The following KLHL1 variants were observed in gnomAD, a reference collection of about 807,000 sequenced individuals.
The protein encoded by KLHL1 is kelch-like protein 1.
In KLHL1, 47 loss-of-function variants were observed where a neutral mutation model predicts 77.7. That is an observed-to-expected ratio of 0.60 (90% CI 0.48 to 0.77). The LOEUF is 0.77. KLHL1 is among the 30% of genes least tolerant of loss of function. KLHL1 has a pLI of 0.00. For missense variants in KLHL1, 925 were observed against 910.8 expected (o/e 1.02, Z -0.20); for synonymous variants, 360 against 325.2 (o/e 1.11, Z -1.15).
In KLHL1 at chr13:70,075,677, A is replaced by G. The variant is rs1418227118; in HGVS notation, c.497+31526T>C. Among the ~76,000 whole-genome samples, 5 of 141,488 alleles carry G rather than the reference A, an allele frequency of 3.5e-5. No individual in the cohort carries two copies. The South Asian group carries it at 1.1e-3, about 30-fold the overall frequency. The allele number at this position is 141,488 out of a possible 152,430, so 92.8% of individuals were successfully genotyped here. On this transcript the variant is annotated intron_variant, in intron 1 of 10. Coordinates refer to ENST00000377844, the MANE Select transcript of KLHL1 (RefSeq NM_020866.3). ...TATATACCTATGTGTGTGTGTATAT[A>G]TATATACACACACGTGTGTATATAT...
intron 1 of KLHL1, among the ~76,000 whole-genome samples, chr13:70,065,376 A>G (rs1220089429): frequency 1.3e-5 from 2 of 152,130 alleles, no homozygotes; most frequent in Non-Finnish European, 2.9e-5. Flanking sequence ...AAATCACTCT[A>G]GATCATGGCA....
intron 1 of KLHL1, among the ~76,000 whole-genome samples, chr13:70,052,655 C>G (rs1886656250): frequency 6.6e-6 from 1 of 151,528 alleles, no homozygotes; most frequent in Admixed American, 6.6e-5. Flanking sequence ...TTAAAAATAA[C>G]CTCTTTATTT....
chr13:69,724,342 T>C (rs1873204057), intron 8 of KLHL1, among the ~76,000 whole-genome samples: 1 of 152,108 alleles, frequency 6.6e-6, no homozygotes, highest in Non-Finnish European at 1.5e-5. Flanking sequence ...TATGAGTGTG[T>C]CCTTAACCTT....
At chr13:69,854,942 T>A (rs1025851001) in intron 5 of KLHL1, among the ~76,000 whole-genome samples, 2 of 151,972 alleles carry the variant, frequency 1.3e-5, no homozygotes, top group African/African-American at 4.8e-5. Flanking sequence ...ATTGGAAATA[T>A]ATTTTTACAA....
chr13:69,837,171 G>A (rs890135543), intron 6 of KLHL1, among the ~76,000 whole-genome samples: 2 of 151,522 alleles, frequency 1.3e-5, no homozygotes, highest in South Asian at 2.1e-4. Flanking sequence ...ACCTCACAAC[G>A]GCTTTTCTTT....
intron 1 of KLHL1, among the ~76,000 whole-genome samples, chr13:70,010,918 A>ATAAAT (rs1237911666): frequency 1.3e-5 from 2 of 151,102 alleles, no homozygotes; most frequent in Non-Finnish European, 3.0e-5. Flanking sequence ...TAATAATAAA[A>ATAAAT]TAAAATAAAA....
intron 4 of KLHL1, among the ~76,000 whole-genome samples, chr13:69,935,028 CATTATA>C (rs950114895): frequency 2.1e-5 from 3 of 144,058 alleles, no homozygotes; most frequent in Non-Finnish European, 3.0e-5. Context: ...GTATCATTAT[CATTATA>C]AAGTATTATA....
chr13:69,798,548 A>G (rs1339725390), intron 6 of KLHL1, among the ~76,000 whole-genome samples: 2 of 152,080 alleles, frequency 1.3e-5, no homozygotes, highest in Admixed American at 6.6e-5. Flanking sequence ...ATAAATTGCA[A>G]TGTTCACAAA....
rs1201718652 is a variant in KLHL1, at chr13:70,006,589, G to A, written c.498-30787C>T. Among the ~76,000 whole-genome samples, 17 of 144,710 alleles carry A rather than the reference G, an allele frequency of 1.2e-4. 1 individual carries two copies. The Admixed American group carries it at 1.2e-3, about 10-fold the overall frequency. The allele number at this position is 144,710 out of a possible 152,430, so 94.9% of individuals were successfully genotyped here. A position where few individuals can be genotyped will look rare whatever the true frequency, so the allele number is the denominator to read the frequency against. Reference sequence around the variant, plus strand: ...GTAGACTCCACCAGTGAAGCCATTTGTCCTGGGGCTTTCATTGTTAAGTGG... The same window carrying A: ...GTAGACTCCACCAGTGAAGCCATTTATCCTGGGGCTTTCATTGTTAAGTGG... On this transcript the variant is annotated intron_variant, in intron 1 of 10. Transcript: ENST00000377844.
At chr13:69,908,373 A>G (rs562296757) in intron 4 of KLHL1, among the ~76,000 whole-genome samples, 8 of 151,904 alleles carry the variant, frequency 5.3e-5, no homozygotes, top group Non-Finnish European at 2.9e-5. Flanking sequence ...TTTGAATACA[A>G]TAAAGAAACG....
Position 69,860,545 on chromosome 13 carries a change from T to G in KLHL1, c.1228-21383A>C, listed in dbSNP as rs138070451. Among the ~76,000 whole-genome samples the G allele has an allele frequency of 2.2e-3, 340 of 152,066 alleles. 5 individuals are homozygous for G. The highest frequency in any genetic ancestry group is 8.1e-3 in the East Asian group (42 of 5,160). On this transcript the variant is annotated intron_variant, in intron 5 of 10. Coordinates refer to ENST00000377844, the MANE Select transcript of KLHL1 (RefSeq NM_020866.3). ...ATGAATCCAAAGTCTTAAATATGAGTCTGACTATAATCCTTTTAAGCTTAA... is the reference window on the plus strand; with the variant it reads ...ATGAATCCAAAGTCTTAAATATGAGGCTGACTATAATCCTTTTAAGCTTAA...
At chr13:69,902,424 G>A (rs182389137) in intron 4 of KLHL1, among the ~76,000 whole-genome samples, 22 of 152,224 alleles carry the variant, frequency 1.4e-4, no homozygotes, top group African/African-American at 5.3e-4. Context: ...TGGTATACTT[G>A]AAGAGTATTT....
At chr13:70,056,377 A>G (rs888800843) in intron 1 of KLHL1, among the ~76,000 whole-genome samples, 4 of 152,292 alleles carry the variant, frequency 2.6e-5, no homozygotes, top group East Asian at 1.9e-4. Flanking sequence ...ACAGACCCCA[A>G]TATAATAATA....
chr13:69,939,359 A>ATATATACATATACATAC (rs1566424727), intron 4 of KLHL1, among the ~76,000 whole-genome samples: 45 of 91,160 alleles, frequency 4.9e-4, no homozygotes, highest in African/African-American at 2.0e-3. Context: ...ATATATATAT[A>ATATATACATATACATAC]TATATATATA....
chr13:70,000,837 A>T (rs1034054066), intron 1 of KLHL1, among the ~76,000 whole-genome samples: 1 of 151,580 alleles, frequency 6.6e-6, no homozygotes, highest in African/African-American at 2.4e-5. Context: ...GTAAATATTA[A>T]CAAATTTTAA....
At chr13:69,816,061 G>A (rs1431654964) in intron 6 of KLHL1, among the ~76,000 whole-genome samples, 2 of 151,712 alleles carry the variant, frequency 1.3e-5, no homozygotes, top group African/African-American at 4.8e-5. Flanking sequence ...TAATGTGAAT[G>A]CAATAGGTAA....
rs1237100844 is a variant in KLHL1 at position 69,901,787 on chromosome 13, CTT to C, written c.1015-19294_1015-19293del. Among the ~76,000 whole-genome samples the C allele has an allele frequency of 3.9e-3, 310 of 80,178 alleles. 2 individuals are homozygous for C. The highest frequency in any genetic ancestry group is 5.6e-3 in the African/African-American group (143 of 25,512). The allele number at this position is 80,178 out of a possible 152,430, so 52.6% of individuals were successfully genotyped here. On this transcript the variant is annotated intron_variant, in intron 4 of 10. Transcript: ENST00000377844. Reference sequence around the variant, plus strand: ...TGAGTTTTTCATTTTCTTTCTTTTTCTTTTTTTCTTTTTTTTTTTTTTTTTCT... The same window carrying C: ...TGAGTTTTTCATTTTCTTTCTTTTTCTTTTTCTTTTTTTTTTTTTTTTTCT...
chr13:69,832,646 AAACAAC>A (rs377565783), intron 6 of KLHL1, among the ~76,000 whole-genome samples: 4 of 135,626 alleles, frequency 2.9e-5, no homozygotes, highest in African/African-American at 6.2e-5. Context: ...AAGCAAGACT[AAACAAC>A]AACAACAACA....
chr13:69,894,863 C>G (rs1432185007), intron 4 of KLHL1: 2 of 277,892 alleles, frequency 7.2e-6, no homozygotes, highest in Non-Finnish European at 1.4e-5. Flanking sequence ...ACCTTTCCCA[C>G]CTTCTTCACC....
Sources: gnomAD v4.1 joint callset for allele counts (sites outside exome capture counted in the v4.1 genomes callset) on GRCh38, gnomAD v4.1.1 for gene constraint, MANE v1.5 for transcripts, NCBI Gene and HGNC (gene_info 2026-07-23, HGNC 2026-07-21) for gene names.